The following HACE1 variants were observed in gnomAD, a reference collection of about 807,000 sequenced individuals.
HACE1 encodes the protein E3 ubiquitin-protein ligase HACE1.
HACE1 carries 73 observed loss-of-function variants against 118.4 expected under a neutral mutation model. That is an observed-to-expected ratio of 0.62 (90% CI 0.51 to 0.75). The LOEUF (loss-of-function observed/expected upper bound fraction) is 0.75. Among genes scored for constraint, HACE1 ranks in the 30% least tolerant of loss-of-function variants. HACE1 has a pLI of 0.00. For synonymous variants in HACE1, 368 were observed against 374.8 expected, an observed-to-expected ratio of 0.98 and a Z score of 0.21; for missense variants, 749 against 1,102.2, an observed-to-expected ratio of 0.68 and a Z score of 4.54.
rs576921112 is a variant in HACE1 at position 104,859,891 on chromosome 6, G to A, written c.-249C>T. On this transcript the variant is annotated 5_prime_UTR_variant, in exon 1 of 24. Coordinates refer to ENST00000262903, the MANE Select transcript of HACE1 (RefSeq NM_020771.4). ...CGCCTTTCCTGCAGCCCCCGCCGCC[G>A]CGTCCCTCCCGGGCTCGCGTGGCCT... 9.6e-4 allele frequency: 458 copies of A among 476,906 alleles called. 1 individual carries two copies. The highest frequency in any genetic ancestry group is 2.1e-3 in the Admixed American group (47 of 22,146). The allele number at this position is 476,906 out of a possible 1,614,324, so 29.5% of individuals were successfully genotyped here.
intron 20 of HACE1, among the ~76,000 whole-genome samples, chr6:104,749,795 T>C (rs1777842812): frequency 6.6e-6 from 1 of 151,930 alleles, no homozygotes; most frequent in African/African-American, 2.4e-5. Context: ...CACAGTACAA[T>C]AAAGGCAAAT....
intron 19 of HACE1, among the ~76,000 whole-genome samples, chr6:104,758,358 A>G (rs1353587289): frequency 6.6e-6 from 1 of 152,212 alleles, no homozygotes; most frequent in African/African-American, 2.4e-5. Flanking sequence ...CTCTCTGCAG[A>G]AACCCTACAA....
In HACE1 at chr6:104,796,698, G is replaced by A. The variant is rs1769676415; in HGVS notation, c.773C>T (p.Thr258Ile). ...TTCATTCTGTGTCATTTGAATAATA[G>A]TCTGAAAAAGCCTCGGGTGATATTG... ...LIQYHPRLFQ[T>I]IIQMTQNEDL... Residue 258 changes from threonine to isoleucine, a missense_variant, in exon 9 of 24, where the codon ACT (threonine) becomes ATT (isoleucine). Transcript: ENST00000262903. 1.3e-6 allele frequency: 2 copies of A among 1,589,484 alleles called. No individual in the cohort carries two copies. The highest frequency in any genetic ancestry group is 2.2e-5 in the East Asian group (1 of 44,644).
At chr6:104,852,194 ACTGT>A (rs1264394132) in intron 2 of HACE1, 119 bp downstream of exon 2, 40 of 428,932 alleles carry the variant, frequency 9.3e-5, no homozygotes, top group East Asian at 3.8e-4. Flanking sequence ...CTATGTCCAA[ACTGT>A]CTGTGTGTGT....
At chr6:104,828,995 T>C (rs1163317353) in intron 6 of HACE1, among the ~76,000 whole-genome samples, 5 of 152,088 alleles carry the variant, frequency 3.3e-5, no homozygotes, top group Non-Finnish European at 7.4e-5. Context: ...TTATCATCCA[T>C]GCCTCTTTGA....
chr6:104,788,743 A>C (rs1189145734), intron 11 of HACE1, among the ~76,000 whole-genome samples: 5 of 152,146 alleles, frequency 3.3e-5, no homozygotes, highest in African/African-American at 9.6e-5. Context: ...CTTCAAAAAT[A>C]AAAATGATCT....
intron 11 of HACE1, 135 bp from the exon 12 acceptor site, chr6:104,785,454 T>G: frequency 3.1e-6 from 2 of 650,952 alleles, no homozygotes; most frequent in Admixed American, 5.3e-5. Flanking sequence ...CAAGTTAACG[T>G]GATAGTAATG....
chr6:104,740,198 G>T (rs1328453989), intron 22 of HACE1, among the ~76,000 whole-genome samples: 1 of 144,048 alleles, frequency 6.9e-6, no homozygotes, highest in Non-Finnish European at 1.5e-5. Flanking sequence ...AGCACTAAAT[G>T]CCCACAAGAG....
chr6:104,733,874 C>T (rs979375193), intron 22 of HACE1, among the ~76,000 whole-genome samples: 33 of 151,394 alleles, frequency 2.2e-4, no homozygotes, highest in African/African-American at 7.8e-4. Context: ...AGAAATCAGC[C>T]GGACACAGTG....
At chr6:104,793,898 A>C (rs1171833585) in intron 10 of HACE1, among the ~76,000 whole-genome samples, 1 of 152,218 alleles carries the variant, frequency 6.6e-6, no homozygotes, top group Non-Finnish European at 1.5e-5. Flanking sequence ...AGATTCTATA[A>C]AGCACTTGGA....
At chr6:104,732,693 T>C (rs140553470) in intron 22 of HACE1, among the ~76,000 whole-genome samples, 1 of 146,668 alleles carries the variant, frequency 6.8e-6, no homozygotes, top group East Asian at 1.9e-4. Context: ...TGATACATTT[T>C]ATGATATGCA....
intron 4 of HACE1, among the ~76,000 whole-genome samples, chr6:104,847,780 T>C (rs1775802232): frequency 6.6e-6 from 1 of 152,080 alleles, no homozygotes; most frequent in Non-Finnish European, 1.5e-5. Context: ...AACGCATTTG[T>C]ATACCGTGTC....
At chr6:104,824,579 T>TA (rs1360177913) in intron 6 of HACE1, among the ~76,000 whole-genome samples, 1 of 152,212 alleles carries the variant, frequency 6.6e-6, no homozygotes, top group Non-Finnish European at 1.5e-5. Context: ...AGTTTTAAAT[T>TA]GTATCAAAGC....
chr6:104,748,204 C>T (rs972830475), intron 20 of HACE1, among the ~76,000 whole-genome samples: 1 of 151,664 alleles, frequency 6.6e-6, no homozygotes, highest in South Asian at 2.1e-4. Context: ...TGATAAAAGA[C>T]TCTTATAAAA....
chr6:104,736,472 C>T (rs536958374), intron 22 of HACE1, among the ~76,000 whole-genome samples: 3 of 151,760 alleles, frequency 2.0e-5, no homozygotes, highest in Non-Finnish European at 2.9e-5. Context: ...TTTGTAGAGA[C>T]GGTTTCGCCA....
rs1337798545 is a variant in HACE1 at position 104,784,998 on chromosome 6, G to A, written c.1396C>T (p.Gln466Ter). The change falls in exon 12 of 24, where the codon CAG (glutamine) becomes TAG (stop). Residue 466 changes from glutamine (Q) to a stop codon, truncating the protein, a stop_gained. Coordinates refer to ENST00000262903, the MANE Select transcript of HACE1 (RefSeq NM_020771.4). LOFTEE classifies it high-confidence loss of function. ...IQAFYMCCSC[Q>*]MPPGMTSPRF... is the part of the protein sequence containing the mutation. ...AAACTTTCTTACCCCGGAGGCATCTGACAAGAACAGCACATGTAAAAAGCT... is the reference window on the plus strand; with the variant it reads ...AAACTTTCTTACCCCGGAGGCATCTAACAAGAACAGCACATGTAAAAAGCT... 10 of 1,611,878 alleles carry A rather than the reference G, an allele frequency of 6.2e-6. No homozygotes were observed. In the South Asian group the frequency reaches 1.1e-4, roughly 18 times the overall value.
intron 5 of HACE1, among the ~76,000 whole-genome samples, chr6:104,834,968 C>T (rs1235113197): frequency 6.6e-6 from 1 of 152,210 alleles, no homozygotes. Context: ...ACAACAGGCA[C>T]ATTGAACAAA....
At chr6:104,829,130 A>G (rs1773612730) in intron 6 of HACE1, among the ~76,000 whole-genome samples, 1 of 152,084 alleles carries the variant, frequency 6.6e-6, no homozygotes, top group East Asian at 1.9e-4. Context: ...AAATATTGAA[A>G]CTTACATGCA....
chr6:104,768,590 G>A (rs909044937), intron 19 of HACE1, among the ~76,000 whole-genome samples: 5 of 150,774 alleles, frequency 3.3e-5, no homozygotes, highest in African/African-American at 7.3e-5. Flanking sequence ...TACTATACTG[G>A]TAACATTAGA....
Sources: allele counts gnomAD v4.1 joint callset (sites outside exome capture counted in the v4.1 genomes callset), GRCh38; gene constraint gnomAD v4.1.1; transcripts MANE v1.5; gene names NCBI Gene and HGNC (gene_info 2026-07-23, HGNC 2026-07-21).